EXOC4: variants seen among roughly 807,000 people sequenced by gnomAD.
The protein encoded by EXOC4 is SEC8-like 1.
In EXOC4, 71 loss-of-function variants were observed where a neutral mutation model predicts 107.2. That is an observed-to-expected ratio of 0.66 (90% CI 0.55 to 0.81). The LOEUF (loss-of-function observed/expected upper bound fraction) is 0.81, where lower values mean the gene tolerates loss of function less well. Among genes scored for constraint, EXOC4 ranks in the 30% least tolerant of loss-of-function variants. The pLI is 0.00. For missense variants in EXOC4, 1,108 were observed against 1,189.6 expected (o/e 0.93, Z 1.01); for synonymous variants, 456 against 441.2 (o/e 1.03, Z -0.42).
chr7:133,687,025 G>A (rs201563326), intron 10 of EXOC4, among the ~76,000 whole-genome samples: 1 of 116,842 alleles, frequency 8.6e-6, no homozygotes. Flanking sequence ...GTGTGTGTGT[G>A]TGTGTGTGTG....
At chr7:133,992,953 C>A (rs1360035991) in intron 14 of EXOC4, among the ~76,000 whole-genome samples, 1 of 151,576 alleles carries the variant, frequency 6.6e-6, no homozygotes, top group Admixed American at 6.6e-5. Flanking sequence ...GAGTTTTGAT[C>A]ATGAAGGGAT....
At chr7:133,529,380 A>G (rs1366611470) in intron 9 of EXOC4, among the ~76,000 whole-genome samples, 2 of 152,224 alleles carry the variant, frequency 1.3e-5, no homozygotes, top group Non-Finnish European at 2.9e-5. Flanking sequence ...TATAAAAAGC[A>G]ACTTTGCTGG....
intron 10 of EXOC4, among the ~76,000 whole-genome samples, chr7:133,695,650 A>T (rs185484396): frequency 6.6e-6 from 1 of 152,332 alleles, no homozygotes; most frequent in East Asian, 1.9e-4. Context: ...ATATTATTTA[A>T]GTATTGGGGT....
intron 9 of EXOC4, among the ~76,000 whole-genome samples, chr7:133,561,484 C>G (rs866944875): frequency 1.3e-5 from 2 of 152,076 alleles, no homozygotes; most frequent in Non-Finnish European, 2.9e-5. Context: ...CCTGAAAACC[C>G]GAAAAATCAT....
At chr7:133,477,713 C>A (rs1799051924) in intron 8 of EXOC4, among the ~76,000 whole-genome samples, 1 of 152,250 alleles carries the variant, frequency 6.6e-6, no homozygotes, top group African/African-American at 2.4e-5. Context: ...TGTTTAGCTT[C>A]ATAAGACACT....
intron 10 of EXOC4, among the ~76,000 whole-genome samples, chr7:133,646,857 A>T (rs1454800416): frequency 6.6e-6 from 1 of 152,142 alleles, no homozygotes; most frequent in Admixed American, 6.6e-5. Flanking sequence ...AGCATATCCT[A>T]AGAAACCCAG....
At chr7:133,380,005 C>A (rs1300794696) in intron 7 of EXOC4, among the ~76,000 whole-genome samples, 1 of 151,298 alleles carries the variant, frequency 6.6e-6, no homozygotes, top group Non-Finnish European at 1.5e-5. Flanking sequence ...GTGATTTGGC[C>A]ACATGTTCTC....
chr7:133,624,321 G>A (rs940578303), intron 9 of EXOC4, among the ~76,000 whole-genome samples: 1 of 152,142 alleles, frequency 6.6e-6, no homozygotes, highest in Non-Finnish European at 1.5e-5. Context: ...AAAGAGTAGG[G>A]CTGGGTACTC....
At chr7:133,262,396 T>G (rs1795175601) in intron 1 of EXOC4, among the ~76,000 whole-genome samples, 1 of 152,004 alleles carries the variant, frequency 6.6e-6, no homozygotes, top group Non-Finnish European at 1.5e-5. Context: ...GGGGTTTAGC[T>G]TTGAAAAACA....
intron 14 of EXOC4, among the ~76,000 whole-genome samples, chr7:133,979,719 C>T (rs974419908): frequency 2.0e-5 from 3 of 151,578 alleles, no homozygotes; most frequent in African/African-American, 7.3e-5. Flanking sequence ...ACCTGGGAGG[C>T]GGAGCTTGCA....
intron 17 of EXOC4, among the ~76,000 whole-genome samples, chr7:134,056,546 A>T (rs544492789): frequency 9.2e-5 from 14 of 152,358 alleles, no homozygotes; most frequent in Admixed American, 7.2e-4. Context: ...CAGACTTCTT[A>T]ATGGACTGAA....
At chr7:133,525,121 G>A (rs1800055233) in intron 9 of EXOC4, among the ~76,000 whole-genome samples, 1 of 152,130 alleles carries the variant, frequency 6.6e-6, no homozygotes, top group South Asian at 2.1e-4. Context: ...TTCTTGGAGT[G>A]CTTCATAGTG....
At chr7:133,787,955 T>G (rs10247145) in intron 10 of EXOC4, among the ~76,000 whole-genome samples, 2 of 31,646 alleles carry the variant, frequency 6.3e-5, no homozygotes, top group Non-Finnish European at 1.2e-4. Context: ...GTGCATATAT[T>G]TATATATTTA....
chr7:133,321,400 C>G (rs1052961343), intron 5 of EXOC4, among the ~76,000 whole-genome samples: 1 of 152,036 alleles, frequency 6.6e-6, no homozygotes, highest in Non-Finnish European at 1.5e-5. Context: ...AGGTATTTCT[C>G]CTAATGCTAT....
At chr7:133,571,403 A>C (rs1801020914) in intron 9 of EXOC4, among the ~76,000 whole-genome samples, 1 of 152,228 alleles carries the variant, frequency 6.6e-6, no homozygotes, top group Non-Finnish European at 1.5e-5. Context: ...GGCCAGGCCC[A>C]GTGGCTTATG....
intron 10 of EXOC4, among the ~76,000 whole-genome samples, chr7:133,739,437 G>C (rs566012449): frequency 6.6e-6 from 1 of 152,252 alleles, no homozygotes; most frequent in South Asian, 2.1e-4. Context: ...AGCTGGAACT[G>C]CTAGAATGGG....
chr7:133,708,830 T>C (rs1007565690), intron 10 of EXOC4, among the ~76,000 whole-genome samples: 4 of 152,168 alleles, frequency 2.6e-5, no homozygotes, highest in Non-Finnish European at 5.9e-5. Context: ...AATAAAGTGG[T>C]TTCAAAAAAC....
At chr7:133,406,161 A>G (rs1248451375) in intron 7 of EXOC4, among the ~76,000 whole-genome samples, 1 of 152,214 alleles carries the variant, frequency 6.6e-6, no homozygotes, top group Non-Finnish European at 1.5e-5. Context: ...TGAGGGAAAC[A>G]GAGACTGAGA....
intron 7 of EXOC4, among the ~76,000 whole-genome samples, chr7:133,461,210 G>T (rs1223599311): frequency 6.6e-6 from 1 of 152,130 alleles, no homozygotes; most frequent in East Asian, 1.9e-4. Context: ...ATTCGGTTGA[G>T]ATGTTCTTTG....
Sources: gnomAD v4.1 joint callset for allele counts (sites outside exome capture counted in the v4.1 genomes callset) on GRCh38, gnomAD v4.1.1 for gene constraint, MANE v1.5 for transcripts, NCBI Gene and HGNC (gene_info 2026-07-23, HGNC 2026-07-21) for gene names.